FTO: variants seen among roughly 807,000 people sequenced by gnomAD.
FTO encodes the protein alpha-ketoglutarate-dependent dioxygenase FTO.
In FTO, 47 loss-of-function variants were observed where a neutral mutation model predicts 63.9. The observed-to-expected ratio is 0.74, with a 90% confidence interval of 0.58 to 0.94. The LOEUF is 0.94. Ranked by LOEUF, FTO falls within the 40% of genes least tolerant of loss-of-function variation. FTO has a pLI of 0.00. For missense variants in FTO, 562 were observed against 618.1 expected (o/e 0.91, Z 0.96); for synonymous variants, 207 against 224.4 (o/e 0.92, Z 0.69).
intron 7 of FTO, among the ~76,000 whole-genome samples, chr16:53,914,779 C>A (rs1428984298): frequency 6.6e-6 from 1 of 152,170 alleles, no homozygotes; most frequent in African/African-American, 2.4e-5. Flanking sequence ...ACTTGAACAG[C>A]TGTACAACAA....
At chr16:53,995,664 C>T (rs2083918949) in intron 8 of FTO, among the ~76,000 whole-genome samples, 1 of 152,162 alleles carries the variant, frequency 6.6e-6, no homozygotes, top group South Asian at 2.1e-4. Flanking sequence ...TCAGAGATGA[C>T]CATGTATATG....
chr16:53,738,675 G>A (rs1398859772), intron 1 of FTO, among the ~76,000 whole-genome samples: 1 of 152,106 alleles, frequency 6.6e-6, no homozygotes, highest in African/African-American at 2.4e-5. Context: ...CTGCCAAACT[G>A]TTTTCCAGAG....
chr16:53,886,408 A>G (rs75320013), intron 6 of FTO, among the ~76,000 whole-genome samples: 4,669 of 152,310 alleles, frequency 0.031, 73 homozygotes, highest in Middle Eastern at 0.048. Flanking sequence ...GGCTCTTTCC[A>G]TAGTGTGAAC....
At chr16:54,075,483 G>A (rs1276304636) in intron 8 of FTO, among the ~76,000 whole-genome samples, 7 of 152,068 alleles carry the variant, frequency 4.6e-5, no homozygotes, top group African/African-American at 1.4e-4. Context: ...GATCAACTGA[G>A]CAATTAAAAT....
chr16:53,743,108 A>G (rs16952495), intron 1 of FTO, among the ~76,000 whole-genome samples: 1 of 152,190 alleles, frequency 6.6e-6, no homozygotes, highest in East Asian at 1.9e-4. Flanking sequence ...CAGGCTCTCA[A>G]CAATCTATAG....
intron 8 of FTO, chr16:53,991,642 A>G (rs1323807544): frequency 6.6e-6 from 1 of 152,340 alleles, no homozygotes; most frequent in Non-Finnish European, 1.5e-5. Context: ...TTGAACTTGT[A>G]TGTTTTTGAT....
At chr16:54,092,855 T>C (rs2086424654) in intron 8 of FTO, among the ~76,000 whole-genome samples, 1 of 152,162 alleles carries the variant, frequency 6.6e-6, no homozygotes, top group Non-Finnish European at 1.5e-5. Context: ...TGTAAGGAAG[T>C]TTACCTCTGC....
intron 3 of FTO, among the ~76,000 whole-genome samples, chr16:53,840,657 A>G (rs549176552): frequency 5.4e-4 from 83 of 152,318 alleles, no homozygotes; most frequent in Non-Finnish European, 1.0e-3. Flanking sequence ...TTATTTTGCA[A>G]AAGCAGGTCA....
chr16:54,066,976 A>C (rs904349876), intron 8 of FTO, among the ~76,000 whole-genome samples: 1 of 152,206 alleles, frequency 6.6e-6, no homozygotes, highest in African/African-American at 2.4e-5. Flanking sequence ...GGTCACACTC[A>C]TATTTCTTTG....
chr16:54,002,167 C>T (rs1354465691), intron 8 of FTO, among the ~76,000 whole-genome samples: 6 of 152,132 alleles, frequency 3.9e-5, no homozygotes, highest in Non-Finnish European at 7.3e-5. Flanking sequence ...TCCACTTTAG[C>T]CTCCTTATTC....
chr16:54,022,393 T>A (rs908094515), intron 8 of FTO, among the ~76,000 whole-genome samples: 1 of 152,060 alleles, frequency 6.6e-6, no homozygotes, highest in African/African-American at 2.4e-5. Context: ...AACACACTAG[T>A]CTTTTTTTTT....
Position 54,111,859 on chromosome 16 carries a change from GACCTCACA to G in FTO, c.1463_1470del (p.Asp488GlyfsTer40). Reference sequence around the variant, plus strand: ...TGATGCTTCGATGCCTCTGCCGTTTGACCTCACAGACATCGTTTCAGAACTCAGAGGTC... The same window carrying G: ...TGATGCTTCGATGCCTCTGCCGTTTGGACATCGTTTCAGAACTCAGAGGTC... On this transcript the variant is annotated frameshift_variant, in exon 9 of 9. Transcript: ENST00000471389. LOFTEE classifies it high-confidence loss of function. 1.2e-6 allele frequency: 2 copies of G among 1,614,156 alleles called. No homozygotes were observed. Among genetic ancestry groups the G allele is most frequent in the Non-Finnish European group, 1.7e-6 (2 of 1,180,032 alleles).
At chr16:53,829,628 G>T (rs1248447576) in intron 3 of FTO, among the ~76,000 whole-genome samples, 1 of 152,242 alleles carries the variant, frequency 6.6e-6, no homozygotes, top group Non-Finnish European at 1.5e-5. Flanking sequence ...GGAGGTCATA[G>T]AGAGTGGACA....
chr16:53,793,118 G>A (rs2077970876), intron 1 of FTO, among the ~76,000 whole-genome samples: 1 of 152,152 alleles, frequency 6.6e-6, no homozygotes, highest in South Asian at 2.1e-4. Context: ...GTCAAAAGAA[G>A]TTAGAATTGT....
In FTO at chr16:53,717,055, T is replaced by C. The variant is rs569620419; in HGVS notation, c.45+12826T>C. ...TTCATATAATTCCAATTGTATAGTA[T>C]TTTATGGATTTTTTTCCATCCTATC... is the stretch of plus-strand genomic sequence containing the variant. On this transcript the variant is annotated intron_variant, in intron 1 of 8. Coordinates refer to ENST00000471389, the MANE Select transcript of FTO (RefSeq NM_001080432.3). Among the ~76,000 whole-genome samples the C allele has an allele frequency of 1.9e-3, 292 of 152,018 alleles. 2 individuals carry two copies. The highest frequency in any genetic ancestry group is 3.1e-3 in the Non-Finnish European group (213 of 67,886).
At chr16:53,729,515 A>G (rs1429289533) in intron 1 of FTO, among the ~76,000 whole-genome samples, 1 of 151,034 alleles carries the variant, frequency 6.6e-6, no homozygotes. Flanking sequence ...GGGGAAAAAA[A>G]AAGTAAAATG....
intron 1 of FTO, among the ~76,000 whole-genome samples, chr16:53,724,951 A>T (rs2076121541): frequency 6.6e-6 from 1 of 152,156 alleles, no homozygotes; most frequent in African/African-American, 2.4e-5. Flanking sequence ...TTTTCTTAGG[A>T]TCTGCTCAGG....
intron 1 of FTO, among the ~76,000 whole-genome samples, chr16:53,744,712 C>T (rs994068125): frequency 6.6e-6 from 1 of 152,144 alleles, no homozygotes. Context: ...ACCTGATTGC[C>T]GAGTGCTTCT....
chr16:53,948,836 C>T (rs1167388613), intron 8 of FTO, among the ~76,000 whole-genome samples: 1 of 152,192 alleles, frequency 6.6e-6, no homozygotes, highest in Non-Finnish European at 1.5e-5. Context: ...CATCTTCTCA[C>T]ACTTCTCAAG....
Sources: gnomAD v4.1 joint callset for allele counts (sites outside exome capture counted in the v4.1 genomes callset) on GRCh38, gnomAD v4.1.1 for gene constraint, MANE v1.5 for transcripts, NCBI Gene and HGNC (gene_info 2026-07-23, HGNC 2026-07-21) for gene names.